Variants in MALAT1 observed in about 807,000 individuals in gnomAD.
The protein encoded by MALAT1 is metastasis associated lung adenocarcinoma transcript 1.
At chr11:65,503,890 ATAAC>A (rs770262618) in exon 3 of MALAT1, 2 of 517,998 alleles carry the variant, frequency 3.9e-6, no homozygotes, top group Non-Finnish European at 7.7e-6. Context: ...TAAGGAATAA[ATAAC>A]CTCTTAGACA....
intron 3 of MALAT1, chr11:65,504,758 T>C (rs745633915): frequency 1.5e-5 from 8 of 518,930 alleles, no homozygotes; most frequent in African/African-American, 5.8e-5. Flanking sequence ...CAGTGATCTT[T>C]AGTGCATTGT....
chr11:65,503,080 G>A (rs777949106), exon 3 of MALAT1: 7 of 510,880 alleles, frequency 1.4e-5, no homozygotes, highest in South Asian at 1.0e-4. Flanking sequence ...GTGGATTGAG[G>A]AGGCTGTGCT....
intron 3 of MALAT1, chr11:65,505,557 A>G (rs762196928): frequency 3.9e-6 from 2 of 515,702 alleles, no homozygotes; most frequent in Admixed American, 1.9e-5. Context: ...CTTCTCTGCC[A>G]CATCGCCACC....
chr11:65,499,379 G>T, exon 3 of MALAT1: 1 of 490,402 alleles, frequency 2.0e-6, no homozygotes, highest in Non-Finnish European at 4.1e-6. Context: ...ACAGAGCCCC[G>T]AATTAATACC....
chr11:65,504,789 C>A (rs372903040), intron 3 of MALAT1: 1 of 518,882 alleles, frequency 1.9e-6, no homozygotes, highest in Admixed American at 1.9e-5. Context: ...GTTTCTCTCT[C>A]CCCTCCCTTG....
intron 3 of MALAT1, chr11:65,504,732 A>C (rs758643510): frequency 1.9e-6 from 1 of 518,982 alleles, no homozygotes; most frequent in Non-Finnish European, 3.8e-6. Flanking sequence ...TGGCAAGTGG[A>C]AATGTTTAAA....
At chr11:65,505,643 GA>G (rs1854668833) in intron 3 of MALAT1, 1 of 518,908 alleles carries the variant, frequency 1.9e-6, no homozygotes, top group African/African-American at 1.9e-5. Context: ...TTGTGGGCAT[GA>G]TCCATAATCG....
intron 3 of MALAT1, chr11:65,505,883 A>G (rs1217612391): frequency 2.3e-6 from 1 of 442,868 alleles, no homozygotes; most frequent in Non-Finnish European, 4.4e-6. Context: ...ACTGGAGAAG[A>G]TAGGCATTTG....
At chr11:65,503,797 A>C (rs371535216) in exon 3 of MALAT1, 15 of 515,586 alleles carry the variant, frequency 2.9e-5, no homozygotes, top group African/African-American at 1.5e-4. Context: ...ATGTAACTTT[A>C]AGGCAGGAAA....
intron 3 of MALAT1, chr11:65,504,915 T>C (rs1854646641): frequency 1.9e-6 from 1 of 518,738 alleles, no homozygotes; most frequent in African/African-American, 1.9e-5. Context: ...AACATTCCAT[T>C]TTAAATGTGG....
chr11:65,500,123 G>C, exon 3 of MALAT1: 2 of 487,516 alleles, frequency 4.1e-6, no homozygotes, highest in South Asian at 1.5e-5. Context: ...AAGAATACTT[G>C]AAGCTAGAAG....
intron 3 of MALAT1, chr11:65,504,196 C>A: frequency 1.9e-6 from 1 of 515,920 alleles, no homozygotes; most frequent in South Asian, 1.4e-5. Context: ...TTGGCTCTTC[C>A]TTCTGTTCTA....
chr11:65,506,148 G>A (rs368878397), intron 3 of MALAT1: 88 of 406,438 alleles, frequency 2.2e-4, no homozygotes, highest in Non-Finnish European at 3.3e-5. Context: ...TGGTTTCCAG[G>A]ACGGGGTTCA....
At position 65,498,155 on chromosome 11, in the gene MALAT1, C is replaced by T. The variant is rs551274722; in HGVS notation, n.178+290C>T. On this transcript the variant is annotated intron_variant and non_coding_transcript_variant, in intron 1 of 3. Transcript: ENST00000619449. ...CAGACCCAGAGCAGTGTAAACACTT[C>T]TGGGTGTGTCCCTGACTGGCTGCCC... 26 of 518,834 alleles carry T rather than the reference C, an allele frequency of 5.0e-5. 1 individual carries two copies. Among genetic ancestry groups the T allele is most frequent in the South Asian group, 3.5e-4 (25 of 71,586 alleles). The allele number at this position is 518,834 out of a possible 1,614,324, so 32.1% of individuals were successfully genotyped here.
At chr11:65,504,482 T>C in intron 3 of MALAT1, 1 of 518,970 alleles carries the variant, frequency 1.9e-6, no homozygotes, top group South Asian at 1.4e-5. Flanking sequence ...GTAGTGATTG[T>C]TGAAGGAAAA....
At chr11:65,502,568 C>G (rs368580747) in exon 3 of MALAT1, 3 of 483,392 alleles carry the variant, frequency 6.2e-6, no homozygotes, top group African/African-American at 2.0e-5. Context: ...TGTGATAGTT[C>G]AGCTTGAATG....
exon 3 of MALAT1, chr11:65,499,691 GAAGAA>G (rs1854495055): frequency 2.3e-6 from 1 of 432,412 alleles, no homozygotes; most frequent in South Asian, 1.7e-5. Context: ...ACGGGAAGGC[GAAGAA>G]AAGAATAGAG....
In MALAT1 at chr11:65,501,606, A is replaced by G. The variant is rs753897087; in HGVS notation, n.2869A>G. ...GATTTTCCACAGATGCTATAGTACT[A>G]TTGACAAACTGGGTTAGAGAAGGAG... On this transcript the variant is annotated non_coding_transcript_exon_variant, in exon 3 of 4. Coordinates refer to ENST00000619449, the Ensembl canonical transcript of MALAT1. 25 of 518,824 alleles carry G rather than the reference A, an allele frequency of 4.8e-5. No homozygotes were observed. The Middle Eastern group carries it at 3.5e-3, about 72-fold the overall frequency. The allele number at this position is 518,824 out of a possible 1,614,324, so 32.1% of individuals were successfully genotyped here. A position where few individuals can be genotyped will look rare whatever the true frequency, so the allele number is the denominator to read the frequency against.
intron 3 of MALAT1, chr11:65,504,112 T>C (rs1854619175): frequency 1.9e-6 from 1 of 516,868 alleles, no homozygotes; most frequent in Non-Finnish European, 3.9e-6. Context: ...CTGTGGGGTT[T>C]TAAAGAATTT....
Sources: allele counts gnomAD v4.1 joint callset, GRCh38; gene constraint gnomAD v4.1.1; transcripts MANE v1.5; gene names NCBI Gene and HGNC (gene_info 2026-07-23, HGNC 2026-07-21).